FGF12: variants seen among roughly 807,000 people sequenced by gnomAD.
FGF12 encodes fibroblast growth factor 12, also known as fibroblast growth factor 12B.
Under a neutral mutation model 23.6 loss-of-function variants are expected in FGF12, and 14 were observed. The observed-to-expected ratio is 0.59, with a 90% confidence interval of 0.39 to 0.93. FGF12 has a LOEUF of 0.93. Ranked by LOEUF, FGF12 falls within the 40% of genes least tolerant of loss-of-function variation. The probability of loss-of-function intolerance (pLI) is 0.00; values close to 1 mark genes in which losing one functional copy is unlikely to be tolerated. For synonymous variants in FGF12, 62 were observed against 77.3 expected (o/e 0.80, Z 1.04); for missense variants, 175 against 217.8 (o/e 0.80, Z 1.24).
At chr3:192,502,658 C>G (rs899329914) in intron 2 of FGF12, among the ~76,000 whole-genome samples, 1 of 152,206 alleles carries the variant, frequency 6.6e-6, no homozygotes, top group Non-Finnish European at 1.5e-5. Flanking sequence ...AGACCATGCC[C>G]TGTGGTACAA....
intron 2 of FGF12, among the ~76,000 whole-genome samples, chr3:192,620,253 C>T (rs1045277554): frequency 6.5e-5 from 4 of 61,754 alleles, no homozygotes; most frequent in East Asian, 3.8e-4. Context: ...CGCGCGCGCG[C>T]GCACGCACAC....
chr3:192,226,071 GA>G (rs1468274890), intron 4 of FGF12, among the ~76,000 whole-genome samples: 2 of 152,084 alleles, frequency 1.3e-5, no homozygotes, highest in African/African-American at 2.4e-5. Flanking sequence ...AAAACACACT[GA>G]AGTCTCCAAT....
intron 2 of FGF12, among the ~76,000 whole-genome samples, chr3:192,724,553 T>G (rs964456374): frequency 7.2e-5 from 11 of 152,142 alleles, no homozygotes; most frequent in African/African-American, 2.7e-4. Context: ...AAGGCACAAA[T>G]TCCGTCAGAG....
chr3:192,424,252 A>G (rs1001497897), intron 2 of FGF12, among the ~76,000 whole-genome samples: 1 of 152,186 alleles, frequency 6.6e-6, no homozygotes, highest in Non-Finnish European at 1.5e-5. Context: ...GGTTTATTGC[A>G]TAGGAAAAGA....
chr3:192,162,451 T>C (rs1226874637), intron 5 of FGF12, among the ~76,000 whole-genome samples: 1 of 151,994 alleles, frequency 6.6e-6, no homozygotes, highest in Non-Finnish European at 1.5e-5. Context: ...AGAGGAAGAA[T>C]GTGTGGGGAA....
At chr3:192,607,687 T>G (rs1714389154) in intron 2 of FGF12, among the ~76,000 whole-genome samples, 1 of 152,010 alleles carries the variant, frequency 6.6e-6, no homozygotes, top group Non-Finnish European at 1.5e-5. Flanking sequence ...TGATGTATGA[T>G]TCATTAATTT....
At chr3:192,615,054 G>C (rs1347417372) in intron 2 of FGF12, among the ~76,000 whole-genome samples, 1 of 151,916 alleles carries the variant, frequency 6.6e-6, no homozygotes, top group Non-Finnish European at 1.5e-5. Context: ...TATCTACTGT[G>C]TACTCTTCAT....
At chr3:192,189,024 A>G (rs1215831145) in intron 4 of FGF12, among the ~76,000 whole-genome samples, 1 of 152,200 alleles carries the variant, frequency 6.6e-6, no homozygotes, top group Non-Finnish European at 1.5e-5. Context: ...CCCTCCCTAC[A>G]CATGAGTGTG....
intron 2 of FGF12, among the ~76,000 whole-genome samples, chr3:192,459,870 CGTGT>C (rs894940015): frequency 6.7e-6 from 1 of 150,298 alleles, no homozygotes; most frequent in African/African-American, 2.5e-5. Flanking sequence ...TGTGTGTGTG[CGTGT>C]GTGTGTGAGA....
At chr3:192,630,554 A>AC (rs1715347897) in intron 2 of FGF12, among the ~76,000 whole-genome samples, 1 of 140,346 alleles carries the variant, frequency 7.1e-6, no homozygotes, top group African/African-American at 2.6e-5. Flanking sequence ...AAAAAATTCA[A>AC]TTTTTTTTTT....
chr3:192,518,600 T>A (rs1724737090), intron 2 of FGF12, among the ~76,000 whole-genome samples: 1 of 152,186 alleles, frequency 6.6e-6, no homozygotes, highest in South Asian at 2.1e-4. Context: ...ATTGAATATA[T>A]CAATGGCAAA....
chr3:192,522,957 A>T (rs139861400), intron 2 of FGF12, among the ~76,000 whole-genome samples: 1 of 152,350 alleles, frequency 6.6e-6, no homozygotes, highest in East Asian at 1.9e-4. Flanking sequence ...AAGATTAGGT[A>T]GCAGAACACA....
At chr3:192,192,746 C>A (rs1343383689) in intron 4 of FGF12, among the ~76,000 whole-genome samples, 1 of 151,978 alleles carries the variant, frequency 6.6e-6, no homozygotes. Context: ...GTCTTTAATT[C>A]TATATTGTTG....
intron 2 of FGF12, among the ~76,000 whole-genome samples, chr3:192,490,841 C>T (rs957458067): frequency 1.3e-5 from 2 of 152,032 alleles, no homozygotes; most frequent in African/African-American, 2.4e-5. Context: ...GGCACCTAAT[C>T]GATGGTGTCA....
intron 2 of FGF12, among the ~76,000 whole-genome samples, chr3:192,498,956 A>G (rs2108831277): frequency 6.6e-6 from 1 of 152,326 alleles, no homozygotes; most frequent in African/African-American, 2.4e-5. Context: ...CAAAATAGCT[A>G]TTGGAAGATA....
At chr3:192,628,243 T>C (rs1715247673) in intron 2 of FGF12, among the ~76,000 whole-genome samples, 1 of 152,142 alleles carries the variant, frequency 6.6e-6, no homozygotes, top group Non-Finnish European at 1.5e-5. Flanking sequence ...TGTTAAACCA[T>C]TCTCCTGTTT....
At chr3:192,232,114 T>C (rs1161916965) in intron 4 of FGF12, among the ~76,000 whole-genome samples, 1 of 152,180 alleles carries the variant, frequency 6.6e-6, no homozygotes, top group East Asian at 1.9e-4. Flanking sequence ...TAACTTCCCA[T>C]TGACAATGTC....
chr3:192,218,089 T>C (rs1718286738), intron 4 of FGF12, among the ~76,000 whole-genome samples: 1 of 152,170 alleles, frequency 6.6e-6, no homozygotes, highest in South Asian at 2.1e-4. Flanking sequence ...CACGTCGGCC[T>C]CCCAAAATGC....
At position 192,203,008 on chromosome 3, in the gene FGF12, G is replaced by C. The variant is rs1717450056; in HGVS notation, c.229-32352C>G. Among the ~76,000 whole-genome samples, 4 of 152,108 alleles carry C rather than the reference G, an allele frequency of 2.6e-5. No homozygotes were observed. In the South Asian group the frequency reaches 8.3e-4, roughly 32 times the overall value. The stretch of plus-strand genomic sequence containing the variant: ...TTGATGGTAAAAATACAATGCTAAA[G>C]CATTTCATTGGCTCAGCTACTTTTA... On this transcript the variant is annotated intron_variant, in intron 4 of 5. Coordinates refer to ENST00000445105, the MANE Select transcript of FGF12 (RefSeq NM_004113.6).
Sources: allele counts gnomAD v4.1 joint callset (sites outside exome capture counted in the v4.1 genomes callset), GRCh38; gene constraint gnomAD v4.1.1; transcripts MANE v1.5; gene names NCBI Gene and HGNC (gene_info 2026-07-23, HGNC 2026-07-21).